Variants in PLXNA2 observed in about 807,000 individuals in gnomAD.
PLXNA2 encodes plexin-A2.
A neutral mutation model predicts 193.5 loss-of-function variants in PLXNA2; 91 were observed. The observed-to-expected ratio is 0.47, with a 90% CI of 0.40 to 0.56. PLXNA2 has a LOEUF of 0.56. Among genes scored for constraint, PLXNA2 ranks in the 20% least tolerant of loss-of-function variants. The pLI is 0.00. For synonymous variants in PLXNA2, 997 were observed against 1,027.3 expected (o/e 0.97, Z 0.56); for missense variants, 1,995 against 2,503.2 (o/e 0.80, Z 4.33).
At chr1:208,207,195 G>T (rs943086916) in intron 3 of PLXNA2, among the ~76,000 whole-genome samples, 1 of 152,088 alleles carries the variant, frequency 6.6e-6, no homozygotes, top group Non-Finnish European at 1.5e-5. Context: ...TAGTAGAGAC[G>T]GGGTTTCACC....
In PLXNA2 at chr1:208,217,130, C is replaced by A. The variant is rs181787622; in HGVS notation, c.793G>T (p.Gly265Cys). Reference protein sequence around the residue: ...FLTVQPETPEGVAINSAGDLF... With the variant: ...FLTVQPETPECVAINSAGDLF... ...TCTCCAGCGGAGTTGATGGCCACAC[C>A]CTCAGGGGTCTCGGGCTGGACAGTG... The change falls in exon 2 of 32, where the codon GGT becomes TGT. Residue 265 changes from glycine (G) to cysteine (C), a missense_variant. This residue lies in a region of PLXNA2 where 702 missense variants were observed against 812.9 expected (regional missense o/e 0.86). Coordinates refer to ENST00000367033, the MANE Select transcript of PLXNA2 (RefSeq NM_025179.4). The surrounding 1 kb of genome is among the most constrained non-coding windows in gnomAD (Gnocchi z 4.7). 2 of 1,614,184 alleles carry A rather than the reference C, an allele frequency of 1.2e-6. No individual in the cohort carries two copies. The highest frequency in any genetic ancestry group is 4.5e-5 in the East Asian group (2 of 44,876).
At chr1:208,034,404 G>A in intron 27 of PLXNA2, 89 bp downstream of exon 27, 1 of 819,496 alleles carries the variant, frequency 1.2e-6, no homozygotes, top group Non-Finnish European at 2.1e-6. Flanking sequence ...AGCAAGGGCT[G>A]CCTGCTGTTA....
chr1:208,170,333 G>A (rs574576375), intron 3 of PLXNA2, among the ~76,000 whole-genome samples: 2 of 152,324 alleles, frequency 1.3e-5, no homozygotes, highest in East Asian at 3.9e-4. Flanking sequence ...AGCCTGCCTT[G>A]AAGCAGTCAT....
chr1:208,238,586 C>A (rs1014786710), intron 1 of PLXNA2, among the ~76,000 whole-genome samples: 9 of 152,198 alleles, frequency 5.9e-5, no homozygotes, highest in Non-Finnish European at 1.2e-4. Context: ...AGAAAAGCCT[C>A]TGGACTCTGC....
Position 208,028,928 on chromosome 1 carries a change from G to T in PLXNA2, c.5340C>A (p.Asp1780Glu). ...CLSVVAQTFM[D>E]SCSTSEHRLG... ...GCCGGTGCTCTGACGTTGAACAAGA[G>T]TCCATGAAGGTCTGGGCCACCACAG... Residue 1780 changes from aspartate to glutamate, a missense_variant, in exon 30 of 32, where the codon GAC becomes GAA. By Grantham distance (45) the Asp-to-Glu change is conservative. This residue lies in a region of PLXNA2 where 1,291 missense variants were observed against 1,673.6 expected (regional missense o/e 0.77). Transcript: ENST00000367033. The surrounding 1 kb of genome is among the most constrained non-coding windows in gnomAD (Gnocchi z 4.2). 6.2e-7 allele frequency: 1 copy of T among 1,614,176 alleles called. No homozygotes were observed. The highest frequency in any genetic ancestry group is 8.5e-7 in the Non-Finnish European group (1 of 1,180,030).
chr1:208,180,382 C>T (rs1405472069), intron 3 of PLXNA2, among the ~76,000 whole-genome samples: 2 of 152,058 alleles, frequency 1.3e-5, no homozygotes, highest in African/African-American at 2.4e-5. Context: ...TGGCTGGGAG[C>T]AGGGGCAGAA....
intron 12 of PLXNA2, among the ~76,000 whole-genome samples, chr1:208,076,135 A>T (rs1431311813): frequency 6.6e-6 from 1 of 151,344 alleles, no homozygotes; most frequent in African/African-American, 2.4e-5. Context: ...TGGCATGATC[A>T]TAGTTCACTG....
At chr1:208,142,959 G>A (rs1019545764) in intron 3 of PLXNA2, among the ~76,000 whole-genome samples, 1 of 152,156 alleles carries the variant, frequency 6.6e-6, no homozygotes, top group African/African-American at 2.4e-5. Context: ...TGGATCCCAG[G>A]AGGGTCTTTC....
At position 208,039,703 on chromosome 1, in the gene PLXNA2, G is replaced by C; in HGVS notation, c.4418C>G (p.Pro1473Arg). The change falls in exon 24 of 32, where the codon CCC becomes CGC. Residue 1473 changes from proline (P) to arginine (R), a missense_variant. Physicochemically the swap from Pro to Arg is moderately radical, Grantham distance 103. Transcript: ENST00000367033. ...GGCCTCGCCCGTGATGGCATCAATG[G>C]GGCCCTTCTCCATCTGCTGCTTGAT... The part of the protein sequence containing the change: ...CAIKQQMEKG[P>R]IDAITGEARY... The C allele has an allele frequency of 1.2e-6, 2 of 1,614,172 alleles. No individual in the cohort carries two copies. The highest frequency in any genetic ancestry group is 1.7e-6 in the Non-Finnish European group (2 of 1,180,028).
intron 2 of PLXNA2, among the ~76,000 whole-genome samples, chr1:208,215,762 T>A (rs1330339449): frequency 1.3e-5 from 2 of 151,918 alleles, no homozygotes; most frequent in Non-Finnish European, 2.9e-5. Flanking sequence ...GGTGGATAAA[T>A]GAATGGATGA....
intron 12 of PLXNA2, among the ~76,000 whole-genome samples, chr1:208,070,378 C>T (rs778932398): frequency 4.6e-5 from 7 of 152,202 alleles, no homozygotes; most frequent in Admixed American, 1.3e-4. Flanking sequence ...CTGACCTCAC[C>T]CAGGCAATAT....
chr1:208,144,232 C>G (rs967212886), intron 3 of PLXNA2, among the ~76,000 whole-genome samples: 3 of 152,194 alleles, frequency 2.0e-5, no homozygotes, highest in Admixed American at 1.3e-4. Context: ...CCTGATGCCA[C>G]AACAAGTACA....
chr1:208,124,830 G>A (rs977829672), intron 4 of PLXNA2, among the ~76,000 whole-genome samples: 7 of 152,014 alleles, frequency 4.6e-5, no homozygotes, highest in African/African-American at 1.7e-4. Context: ...GAATTATAGG[G>A]AGAGGAAATT....
chr1:208,099,160 G>C (rs539828061), intron 5 of PLXNA2, among the ~76,000 whole-genome samples, 191 bp from the exon 6 acceptor site: 5 of 152,348 alleles, frequency 3.3e-5, no homozygotes, highest in African/African-American at 1.2e-4. Flanking sequence ...GACAGACTGA[G>C]AGGGAAGAGG....
chr1:208,098,766 G>A, intron 6 of PLXNA2, 80 bp downstream of exon 6: 1 of 1,488,326 alleles, frequency 6.7e-7, no homozygotes, highest in Non-Finnish European at 9.2e-7. Context: ...ACAGATACTT[G>A]TGCAAGCGTG....
At chr1:208,209,795 G>A (rs1670866462) in intron 3 of PLXNA2, among the ~76,000 whole-genome samples, 1 of 152,052 alleles carries the variant, frequency 6.6e-6, no homozygotes, top group Non-Finnish European at 1.5e-5. Flanking sequence ...TACCATCAGA[G>A]AGCAGCACCC....
At chr1:208,156,520 A>C (rs560917321) in intron 3 of PLXNA2, among the ~76,000 whole-genome samples, 57 of 152,292 alleles carry the variant, frequency 3.7e-4, no homozygotes, top group African/African-American at 1.3e-3. Context: ...CAGAGAGGTT[A>C]AGTGACTGCC....
Position 208,098,926 on chromosome 1 carries a change from G to C in PLXNA2, c.1651C>G (p.Arg551Gly), listed in dbSNP as rs200018597. 6.2e-7 allele frequency: 1 copy of C among 1,613,658 alleles called. No individual in the cohort carries two copies. The highest frequency in any genetic ancestry group is 8.5e-7 in the Non-Finnish European group (1 of 1,179,934). The part of the protein sequence containing the change: ...DKCQQAWEPN[R>G]FAASISQCVS... ...CACTGGCTGATGCTGGCAGCAAATC[G>C]ATTAGGTTCCCAGGCCTGTTGGCAT... The change falls in exon 6 of 32, where the codon CGA (arginine) becomes GGA (glycine). Residue 551 changes from arginine to glycine, a missense_variant. Arg to Gly is a moderately radical substitution (Grantham distance 125). This residue lies in a region of PLXNA2 where 702 missense variants were observed against 812.9 expected (regional missense o/e 0.86). Transcript: ENST00000367033.
chr1:208,057,480 G>A (rs1410882650), intron 13 of PLXNA2, among the ~76,000 whole-genome samples: 1 of 152,182 alleles, frequency 6.6e-6, no homozygotes. Flanking sequence ...GCTGAGCTGG[G>A]TTCCTCAGGT....
Sources: gnomAD v4.1 joint callset for allele counts (sites outside exome capture counted in the v4.1 genomes callset) on GRCh38, gnomAD v4.1.1 for gene constraint, gnomAD v4.1.1 regional missense constraint, Gnocchi (gnomAD v3.1) non-coding constraint, MANE v1.5 for transcripts, NCBI Gene and HGNC (gene_info 2026-07-23, HGNC 2026-07-21) for gene names.